ABCG8: variants seen among roughly 807,000 people sequenced by gnomAD.
The protein encoded by ABCG8 is ATP-binding cassette sub-family G member 8.
Under a neutral mutation model 71.3 loss-of-function variants are expected in ABCG8, and 81 were observed. That is an observed-to-expected ratio of 1.14 (90% CI 0.95 to 1.37). The LOEUF is 1.37. Among genes scored for constraint, ABCG8 ranks in the 40% most tolerant of loss-of-function variants. The probability of loss-of-function intolerance (pLI) is 0.00; values close to 1 mark genes in which losing one functional copy is unlikely to be tolerated. For synonymous variants in ABCG8, 451 were observed against 354.7 expected (o/e 1.27, Z -3.05); for missense variants, 1,119 against 866.2 (o/e 1.29, Z -3.66).
rs201221809 is a variant in ABCG8 at position 43,877,818 on chromosome 2, A to G, written c.1927A>G (p.Ile643Val). The change falls in exon 13 of 13, where the codon ATC becomes GTC. Residue 643 changes from isoleucine to valine, a missense_variant. Physicochemically the swap from Ile to Val is conservative, Grantham distance 29 (BLOSUM62 3). Transcript: ENST00000272286. ...MELDSYPLYA[I>V]YLIVIGLSGG... ...GCTGGACTCGTACCCTCTCTACGCC[A>G]TCTACCTCATCGTCATTGGCCTCAG... The G allele has an allele frequency of 1.9e-6, 3 of 1,614,022 alleles. No homozygotes were observed. The highest frequency in any genetic ancestry group is 2.7e-5 in the African/African-American group (2 of 74,910).
chr2:43,855,572 A>G (rs114358996), intron 6 of ABCG8, among the ~76,000 whole-genome samples: 8,210 of 152,092 alleles, frequency 0.054, 273 homozygotes, highest in Middle Eastern at 0.11. Context: ...CTCACCCTCC[A>G]GAGAGAACTC....
At position 43,878,008 on chromosome 2, in the gene ABCG8, A is replaced by G. The variant is rs1670020840; in HGVS notation, c.*95A>G. ...GCCCCTTCCTGGGGACAGTGAGGACAATGACCCTACAGATGCTCAGCTACA... is the reference window on the plus strand; with the variant it reads ...GCCCCTTCCTGGGGACAGTGAGGACGATGACCCTACAGATGCTCAGCTACA... On this transcript the variant is annotated 3_prime_UTR_variant, in exon 13 of 13. Transcript: ENST00000272286. The G allele has an allele frequency of 6.4e-7, 1 of 1,574,110 alleles. No individual in the cohort carries two copies. The highest frequency in any genetic ancestry group is 8.7e-7 in the Non-Finnish European group (1 of 1,152,566).
chr2:43,852,149 C>T (rs1486388031), intron 4 of ABCG8, among the ~76,000 whole-genome samples: 1 of 152,262 alleles, frequency 6.6e-6, no homozygotes, highest in African/African-American at 2.4e-5. Flanking sequence ...ACACAGGGCA[C>T]CATGCCCAGC....
chr2:43,865,555 C>A (rs9679574), intron 6 of ABCG8, among the ~76,000 whole-genome samples: 65,548 of 144,978 alleles, frequency 0.45, 14,949 homozygotes, highest in East Asian at 0.86. Flanking sequence ...AGAATTCTCA[C>A]CCTCTAGATA....
intron 8 of ABCG8, among the ~76,000 whole-genome samples, chr2:43,873,319 G>C (rs865915633): frequency 6.6e-6 from 1 of 151,782 alleles, no homozygotes; most frequent in Non-Finnish European, 1.5e-5. Flanking sequence ...CTCCCAAGTA[G>C]CTGGGATTAC....
chr2:43,874,326 G>A, intron 9 of ABCG8, 81 bp from the exon 10 acceptor site: 1 of 1,175,586 alleles, frequency 8.5e-7, no homozygotes, highest in South Asian at 1.2e-5. Context: ...ACTTTGAATT[G>A]TATTAAGAGA....
chr2:43,875,059 A>G (rs1669912300), intron 10 of ABCG8, 87 bp from the exon 11 acceptor site: 7 of 1,582,798 alleles, frequency 4.4e-6, no homozygotes, highest in Non-Finnish European at 6.0e-6. Flanking sequence ...GAAGGTTGCT[A>G]TCTGGGGGCA....
chr2:43,842,960 C>T (rs924218952), intron 1 of ABCG8, among the ~76,000 whole-genome samples: 5 of 152,256 alleles, frequency 3.3e-5, no homozygotes, highest in South Asian at 2.1e-4. Context: ...ATGTTCTTTC[C>T]GAGAACTTCT....
At chr2:43,846,496 C>T in intron 3 of ABCG8, 185 bp downstream of exon 3, 1 of 844,080 alleles carries the variant, frequency 1.2e-6, no homozygotes, top group African/African-American at 1.7e-5. Context: ...CATTTGCTGG[C>T]TTGAGGGTAG....
At chr2:43,843,584 G>T (rs1668646960) in intron 1 of ABCG8, among the ~76,000 whole-genome samples, 1 of 152,076 alleles carries the variant, frequency 6.6e-6, no homozygotes, top group Non-Finnish European at 1.5e-5. Flanking sequence ...AGCCTGAGAG[G>T]TTGAGGATGC....
At chr2:43,845,503 A>G (rs759116430) in intron 2 of ABCG8, among the ~76,000 whole-genome samples, 7 of 152,224 alleles carry the variant, frequency 4.6e-5, no homozygotes, top group Non-Finnish European at 7.3e-5. Context: ...GATTAACACA[A>G]TGTCTTGCAC....
Position 43,882,125 on chromosome 2 carries a change from C to A in ABCG8, c.*4212C>A, listed in dbSNP as rs1670147493. 1 of 152,124 alleles carries A rather than the reference C, an allele frequency of 6.6e-6. No homozygotes were observed. The highest frequency in any genetic ancestry group is 1.5e-5 in the Non-Finnish European group (1 of 68,016). 9.4% of individuals were successfully genotyped at this position (152,124 alleles called of 1,614,324 possible). A position where few individuals can be genotyped will look rare whatever the true frequency, so the allele number is the denominator to read the frequency against. On this transcript the variant is annotated 3_prime_UTR_variant, in exon 13 of 13. Coordinates refer to ENST00000272286, the MANE Select transcript of ABCG8 (RefSeq NM_022437.3). Reference sequence around the variant, plus strand: ...ATTTTAATTAAACAGAAAATAATCACCAATATTGGCTCAAATATTTCCTGA... The same window carrying A: ...ATTTTAATTAAACAGAAAATAATCAACAATATTGGCTCAAATATTTCCTGA...
Position 43,839,046 on chromosome 2 carries a change from T to TG in ABCG8, c.-5dup, listed in dbSNP as rs1318970244. The TG allele has an allele frequency of 1.3e-6, 2 of 1,550,726 alleles. No homozygotes were observed. Among genetic ancestry groups the TG allele is most frequent in the East Asian group, 4.9e-5 (2 of 40,886 alleles). On this transcript the variant is annotated 5_prime_UTR_variant, in exon 1 of 13. Transcript: ENST00000272286. ...GCTGCAGCCCAGGGTCACAGACCTG[T>TG]GGGCCCCATGGCCGGGAAGGCGGCA...
chr2:43,855,972 A>C (rs973149131), intron 6 of ABCG8, among the ~76,000 whole-genome samples: 2 of 150,890 alleles, frequency 1.3e-5, no homozygotes, highest in East Asian at 4.0e-4. Context: ...CTCACTATCT[A>C]TCTGGATAGA....
intron 11 of ABCG8, among the ~76,000 whole-genome samples, 155 bp from the exon 12 acceptor site, chr2:43,877,406 T>C (rs1470592485): frequency 6.7e-6 from 1 of 149,528 alleles, no homozygotes; most frequent in African/African-American, 2.5e-5. Flanking sequence ...AGACTGAATA[T>C]ATGGGAGACT....
intron 6 of ABCG8, among the ~76,000 whole-genome samples, chr2:43,856,381 C>CCTGTATGGATAGAACTCTCACTCT (rs1669108355): frequency 1.3e-5 from 2 of 148,534 alleles, no homozygotes; most frequent in Non-Finnish European, 3.0e-5. Context: ...ACTCTCACTC[C>CCTGTATGGATAGAACTCTCACTCT]CTGTCTGGAT....
chr2:43,864,120 T>C (rs556143770), intron 6 of ABCG8, among the ~76,000 whole-genome samples: 80 of 151,318 alleles, frequency 5.3e-4, no homozygotes, highest in African/African-American at 1.8e-3. Flanking sequence ...CTGGATAGAA[T>C]TCCCACCATC....
chr2:43,877,730 G>GGCTTTCCATCCTCCTCATGA, intron 12 of ABCG8, 42 bp downstream of exon 12: 5 of 1,614,044 alleles, frequency 3.1e-6, no homozygotes, highest in Non-Finnish European at 4.2e-6. Flanking sequence ...TTGGACGTCC[G>GGCTTTCCATCCTCCTCATGA]GCTTTCCATC....
At chr2:43,864,874 T>C (rs1669466206) in intron 6 of ABCG8, among the ~76,000 whole-genome samples, 3 of 137,098 alleles carry the variant, frequency 2.2e-5, no homozygotes, top group South Asian at 5.0e-4. Flanking sequence ...CTGGACGGAA[T>C]TCTCACTCTC....
Sources: allele counts gnomAD v4.1 joint callset (sites outside exome capture counted in the v4.1 genomes callset), GRCh38; gene constraint gnomAD v4.1.1; transcripts MANE v1.5; gene names NCBI Gene and HGNC (gene_info 2026-07-23, HGNC 2026-07-21).